SLCO3A1: variants seen among roughly 807,000 people sequenced by gnomAD.
The protein encoded by SLCO3A1 is PGE1 transporter.
A neutral mutation model predicts 63.1 loss-of-function variants in SLCO3A1; 27 were observed. The ratio of observed to expected loss-of-function variants is 0.43; its 90% CI spans 0.32 to 0.59. SLCO3A1 has a LOEUF of 0.59. Ranked by LOEUF, SLCO3A1 falls within the 20% of genes least tolerant of loss-of-function variation. SLCO3A1 has a pLI of 0.09. For missense variants in SLCO3A1, 773 were observed against 945.8 expected (o/e 0.82, Z 2.40); for synonymous variants, 473 against 409.9 (o/e 1.15, Z -1.86).
intron 7 of SLCO3A1, among the ~76,000 whole-genome samples, chr15:92,143,755 A>G (rs1465304352): frequency 2.0e-5 from 3 of 150,828 alleles, no homozygotes; most frequent in African/African-American, 7.3e-5. Flanking sequence ...TTGGAGCTGG[A>G]GCTGGGGCTG....
intron 2 of SLCO3A1, among the ~76,000 whole-genome samples, chr15:91,980,681 G>A (rs147335807): frequency 1.3e-4 from 20 of 152,166 alleles, no homozygotes; most frequent in African/African-American, 3.4e-4. Context: ...TATTGGGCAC[G>A]GAGCAGGCTG....
At chr15:91,861,373 G>A (rs1388900307) in intron 1 of SLCO3A1, among the ~76,000 whole-genome samples, 1 of 152,096 alleles carries the variant, frequency 6.6e-6, no homozygotes, top group African/African-American at 2.4e-5. Context: ...TCTTTATTTC[G>A]GTTCTTCTTT....
chr15:92,070,082 G>C (rs1009221058), intron 2 of SLCO3A1, among the ~76,000 whole-genome samples: 1 of 152,214 alleles, frequency 6.6e-6, no homozygotes, highest in Non-Finnish European at 1.5e-5. Flanking sequence ...CTCCCAAAGA[G>C]GCGGAGGCAG....
chr15:91,945,861 G>A (rs1178903543), intron 2 of SLCO3A1, among the ~76,000 whole-genome samples: 2 of 152,220 alleles, frequency 1.3e-5, no homozygotes, highest in Non-Finnish European at 2.9e-5. Flanking sequence ...AGATTTTCAA[G>A]GCAGAATTGA....
chr15:91,972,356 G>A (rs951453712), intron 2 of SLCO3A1, among the ~76,000 whole-genome samples: 4 of 152,168 alleles, frequency 2.6e-5, no homozygotes, highest in African/African-American at 9.6e-5. Flanking sequence ...ACTCGAATAG[G>A]TCATGATGGA....
At position 92,163,873 on chromosome 15, in the gene SLCO3A1, A is replaced by G. The variant is rs1159714872; in HGVS notation, c.*738A>G. 3.0e-6 allele frequency: 3 copies of G among 985,628 alleles called. No homozygotes were observed. The highest frequency in any genetic ancestry group is 3.6e-6 in the Non-Finnish European group (3 of 830,186). 61.1% of individuals were successfully genotyped at this position (985,628 alleles called of 1,614,324 possible). On this transcript the variant is annotated 3_prime_UTR_variant, in exon 10 of 10. Transcript: ENST00000318445. ...CTGAGGGGGAGCCAGGTGGGGGGCC[A>G]GCACCTCCCAGTGGCGGGCATCCAC...
downstream of SLCO3A1, among the ~76,000 whole-genome samples, chr15:92,166,123 G>A (rs541528545): frequency 1.2e-4 from 18 of 152,252 alleles, no homozygotes; most frequent in Non-Finnish European, 2.5e-4. Context: ...TTGCAAAAAT[G>A]CCTCTCTAGG....
chr15:92,053,143 A>C (rs555906762), intron 2 of SLCO3A1, among the ~76,000 whole-genome samples: 1 of 152,230 alleles, frequency 6.6e-6, no homozygotes, highest in East Asian at 1.9e-4. Flanking sequence ...CACCGTGTAG[A>C]TGCTGAGGTG....
intron 2 of SLCO3A1, among the ~76,000 whole-genome samples, chr15:92,006,625 C>A (rs1176197414): frequency 6.6e-6 from 1 of 152,132 alleles, no homozygotes; most frequent in Non-Finnish European, 1.5e-5. Flanking sequence ...GTAAAAAATT[C>A]CAGCAGGAAA....
intron 1 of SLCO3A1, chr15:91,908,748 T>C (rs1466763637): frequency 6.8e-6 from 1 of 146,494 alleles, no homozygotes; most frequent in African/African-American, 2.6e-5. Flanking sequence ...CAAATTACTT[T>C]AATGGAATTA....
At chr15:92,103,249 T>G (rs897582554) in intron 3 of SLCO3A1, among the ~76,000 whole-genome samples, 1 of 152,142 alleles carries the variant, frequency 6.6e-6, no homozygotes, top group African/African-American at 2.4e-5. Context: ...TCTCCTTCCA[T>G]GTTCCAGGGG....
intron 7 of SLCO3A1, among the ~76,000 whole-genome samples, chr15:92,133,614 C>T (rs1318187049): frequency 1.4e-5 from 2 of 145,260 alleles, no homozygotes; most frequent in East Asian, 3.9e-4. Flanking sequence ...TTACTGTGAA[C>T]TGCGCACGCG....
intron 2 of SLCO3A1, among the ~76,000 whole-genome samples, chr15:91,956,247 G>T (rs1190700789): frequency 6.6e-6 from 1 of 152,152 alleles, no homozygotes; most frequent in Non-Finnish European, 1.5e-5. Flanking sequence ...TCAGCAGCAG[G>T]CCTGAGACCC....
chr15:92,119,059 G>A (rs1027437657), intron 4 of SLCO3A1, among the ~76,000 whole-genome samples: 2 of 152,150 alleles, frequency 1.3e-5, no homozygotes, highest in African/African-American at 2.4e-5. Flanking sequence ...CAGCTTTGTT[G>A]TAAGGACATA....
chr15:92,123,751 T>C (rs1452233416), intron 5 of SLCO3A1, among the ~76,000 whole-genome samples: 1 of 152,268 alleles, frequency 6.6e-6, no homozygotes, highest in Non-Finnish European at 1.5e-5. Flanking sequence ...CTGCTTTTTC[T>C]TCCATTTTGA....
At position 91,870,342 on chromosome 15, in the gene SLCO3A1, G is replaced by A. The variant is rs541659892; in HGVS notation, c.180+16254G>A. Among the ~76,000 whole-genome samples, 12 of 152,330 alleles carry A rather than the reference G, an allele frequency of 7.9e-5. No homozygotes were observed. In the South Asian group the frequency reaches 2.3e-3, roughly 29 times the overall value. On this transcript the variant is annotated intron_variant, in intron 1 of 9. Transcript: ENST00000318445. ...CAGAAGACTTCAGTAAAACTGGAAA[G>A]AAGTAACTATCTTTTGCTACTAAAT...
chr15:91,928,808 C>G (rs1466635529), intron 2 of SLCO3A1, among the ~76,000 whole-genome samples: 2 of 152,170 alleles, frequency 1.3e-5, no homozygotes, highest in Non-Finnish European at 2.9e-5. Context: ...TCAAAATCTC[C>G]TTGTAGTAAA....
intron 2 of SLCO3A1, among the ~76,000 whole-genome samples, chr15:92,093,793 T>C (rs207975): frequency 0.025 from 3,787 of 152,066 alleles, 69 homozygotes; most frequent in Non-Finnish European, 0.039. Flanking sequence ...CGAGAGAATT[T>C]AGGGTGAGTT....
At chr15:92,124,877 T>G (rs2047902989) in intron 5 of SLCO3A1, among the ~76,000 whole-genome samples, 1 of 152,058 alleles carries the variant, frequency 6.6e-6, no homozygotes, top group Non-Finnish European at 1.5e-5. Context: ...GCAGAACTGT[T>G]TGGCCTGTCC....
Sources: gnomAD v4.1 joint callset for allele counts (sites outside exome capture counted in the v4.1 genomes callset) on GRCh38, gnomAD v4.1.1 for gene constraint, MANE v1.5 for transcripts, NCBI Gene and HGNC (gene_info 2026-07-23, HGNC 2026-07-21) for gene names.